Variants in NRXN1 observed in about 807,000 individuals in gnomAD.
NRXN1 encodes the protein neurexin 1.
Under a neutral mutation model 150.9 loss-of-function variants are expected in NRXN1, and 39 were observed. The observed-to-expected ratio is 0.26, with a 90% confidence interval of 0.20 to 0.34. The LOEUF (loss-of-function observed/expected upper bound fraction) is 0.34. Among genes scored for constraint, NRXN1 ranks in the 10% least tolerant of loss-of-function variants. NRXN1 has a pLI of 1.00. For synonymous variants in NRXN1, 924 were observed against 757.0 expected (o/e 1.22, Z -3.62); for missense variants, 1,815 against 1,949.9 (o/e 0.93, Z 1.30).
chr2:50,046,732 G>A lies in NRXN1; in HGVS notation c.4128+6539C>T, dbSNP rs551219857. Among the ~76,000 whole-genome samples the A allele has an allele frequency of 1.4e-4, 21 of 152,144 alleles. No individual in the cohort carries two copies. The South Asian group carries it at 4.4e-3, about 32-fold the overall frequency. ...GTAAACACAATGCTGGGATATAGGT[G>A]GGCATTTTGGCTTCTGGAGTCAACG... On this transcript the variant is annotated intron_variant, in intron 21 of 22. Transcript: ENST00000401669.
intron 18 of NRXN1, among the ~76,000 whole-genome samples, chr2:50,137,541 A>G (rs1029126513): frequency 3.3e-5 from 5 of 152,210 alleles, no homozygotes; most frequent in African/African-American, 1.2e-4. Context: ...AATCAAAATT[A>G]AAAAGAAGAA....
At chr2:50,540,325 G>A (rs887318343) in intron 9 of NRXN1, among the ~76,000 whole-genome samples, 2 of 152,146 alleles carry the variant, frequency 1.3e-5, no homozygotes, top group African/African-American at 4.8e-5. Flanking sequence ...CTCTCATTTA[G>A]GAACATATGG....
intron 5 of NRXN1, among the ~76,000 whole-genome samples, chr2:50,829,999 G>GGAA (rs1425873902): frequency 3.4e-4 from 20 of 58,182 alleles, no homozygotes; most frequent in South Asian, 7.8e-4. Context: ...CTGCCTGCTG[G>GGAA]AAAAAAAAAA....
chr2:50,950,822 C>T (rs1417905280), intron 2 of NRXN1, among the ~76,000 whole-genome samples: 4 of 152,124 alleles, frequency 2.6e-5, no homozygotes, highest in African/African-American at 7.2e-5. Flanking sequence ...ACCACAGAAA[C>T]AATAGCTTTA....
chr2:50,351,019 G>C (rs2078371822), intron 17 of NRXN1, among the ~76,000 whole-genome samples: 1 of 152,168 alleles, frequency 6.6e-6, no homozygotes, highest in Non-Finnish European at 1.5e-5. Flanking sequence ...TCTCTGTCTA[G>C]ATAGTGTAGA....
chr2:50,380,320 C>T (rs985621357), intron 17 of NRXN1, among the ~76,000 whole-genome samples: 2 of 150,774 alleles, frequency 1.3e-5, no homozygotes, highest in Admixed American at 1.3e-4. Flanking sequence ...ATTTTTTTTC[C>T]CAAGAGAATC....
chr2:50,055,055 TAA>T lies in NRXN1; in HGVS notation c.3719-13_3719-12del. 6.4e-7 allele frequency: 1 copy of T among 1,564,246 alleles called. No individual in the cohort carries two copies. The highest frequency in any genetic ancestry group is 1.4e-5 in the African/African-American group (1 of 73,426). ...CGTTATCATTGTTTCCTTTAAAGTT[TAA>T]AGAGACATTTCATTGGTTAAAATCT... On this transcript the variant is annotated splice_polypyrimidine_tract_variant and intron_variant, in intron 19 of 22. Coordinates refer to ENST00000401669, the MANE Select transcript of NRXN1 (RefSeq NM_001330078.2).
At chr2:50,695,819 A>C (rs566321344) in intron 5 of NRXN1, among the ~76,000 whole-genome samples, 1 of 151,158 alleles carries the variant, frequency 6.6e-6, no homozygotes, top group East Asian at 2.0e-4. Context: ...TTAGGGAAAT[A>C]AGCCTAACCA....
intron 21 of NRXN1, among the ~76,000 whole-genome samples, chr2:50,005,330 T>C (rs764061935): frequency 1.3e-5 from 2 of 152,160 alleles, no homozygotes; most frequent in African/African-American, 4.8e-5. Flanking sequence ...AAAGAAGCGA[T>C]ATAGACTTTT....
At chr2:50,672,478 T>A (rs779613763) in intron 5 of NRXN1, among the ~76,000 whole-genome samples, 19 of 152,012 alleles carry the variant, frequency 1.2e-4, no homozygotes, top group Non-Finnish European at 2.2e-4. Flanking sequence ...TGATTTGCAA[T>A]TTTAAGTTGT....
chr2:50,528,452 C>T (rs1238816463), intron 12 of NRXN1, among the ~76,000 whole-genome samples, 173 bp downstream of exon 12: 1 of 152,070 alleles, frequency 6.6e-6, no homozygotes, highest in East Asian at 1.9e-4. Context: ...AAGTCTTCAG[C>T]TGTACAAATT....
In NRXN1 at chr2:50,538,577, G is replaced by A. The variant is rs1174783201; in HGVS notation, c.1819C>T (p.Leu607=). The change falls in exon 10 of 23, where the codon CTG becomes TTG. Residue 607 remains leucine (L), a synonymous_variant. Coordinates refer to ENST00000401669, the MANE Select transcript of NRXN1 (RefSeq NM_001330078.2). ...AGGTACAACTCATCATCCAGGTCCA[G>A]AATCTCACTCTCACCAGGAGCAGTG... ...PYTAPGESEI[L]DLDDELYLGG... 1 of 1,560,590 alleles carries A rather than the reference G, an allele frequency of 6.4e-7. No homozygotes were observed. The highest frequency in any genetic ancestry group is 8.7e-7 in the Non-Finnish European group (1 of 1,152,058).
intron 21 of NRXN1, among the ~76,000 whole-genome samples, chr2:49,995,767 C>T (rs1232579076): frequency 4.8e-5 from 5 of 103,576 alleles, no homozygotes; most frequent in Admixed American, 1.5e-4. Context: ...AGCGACAGAG[C>T]GAGACTCCGT....
At chr2:50,410,991 G>C (rs188957683) in intron 17 of NRXN1, among the ~76,000 whole-genome samples, 2 of 152,150 alleles carry the variant, frequency 1.3e-5, no homozygotes, top group Admixed American at 1.3e-4. Flanking sequence ...AATGGAATCT[G>C]TGAATTCAAA....
chr2:50,319,119 G>C (rs1480624192), intron 17 of NRXN1, among the ~76,000 whole-genome samples: 1 of 151,954 alleles, frequency 6.6e-6, no homozygotes, highest in African/African-American at 2.4e-5. Context: ...AGTTTAAATG[G>C]GGGTTCTTTT....
intron 2 of NRXN1, among the ~76,000 whole-genome samples, chr2:50,997,365 G>C (rs1299079968): frequency 6.6e-6 from 1 of 151,682 alleles, no homozygotes. Flanking sequence ...GACCATATTT[G>C]AAAACAAACA....
At chr2:51,015,179 G>GTC (rs1168948796) in intron 2 of NRXN1, among the ~76,000 whole-genome samples, 2 of 151,772 alleles carry the variant, frequency 1.3e-5, no homozygotes, top group Admixed American at 6.6e-5. Flanking sequence ...GTGTCTGTCT[G>GTC]TCTCTCTCTC....
chr2:50,314,805 A>G (rs2075458875), intron 17 of NRXN1, among the ~76,000 whole-genome samples: 2 of 152,112 alleles, frequency 1.3e-5, no homozygotes, highest in African/African-American at 4.8e-5. Flanking sequence ...ACCAGTATTT[A>G]TAATGATGTT....
chr2:50,308,094 G>T (rs538277080), intron 17 of NRXN1, among the ~76,000 whole-genome samples: 5 of 151,624 alleles, frequency 3.3e-5, no homozygotes, highest in Middle Eastern at 6.8e-3. Flanking sequence ...ACCTTTTTTT[G>T]TTGTTGTTGT....
Sources: gnomAD v4.1 joint callset for allele counts (sites outside exome capture counted in the v4.1 genomes callset) on GRCh38, gnomAD v4.1.1 for gene constraint, MANE v1.5 for transcripts, NCBI Gene and HGNC (gene_info 2026-07-23, HGNC 2026-07-21) for gene names.